A3GALT2: variants seen among roughly 807,000 people sequenced by gnomAD.
A3GALT2 encodes the protein alpha 1,3-galactosyltransferase 2.
A neutral mutation model predicts 16.6 loss-of-function variants in A3GALT2; 14 were observed. That is an observed-to-expected ratio of 0.84 (90% CI 0.56 to 1.32). The LOEUF is 1.32. A3GALT2 is among the 40% of genes most tolerant of loss of function. The pLI is 0.00. For missense variants in A3GALT2, 600 were observed against 490.9 expected, an observed-to-expected ratio of 1.22 and a Z score of -2.10; for synonymous variants, 253 against 218.0, an observed-to-expected ratio of 1.16 and a Z score of -1.42.
rs372278643 is a variant in A3GALT2 at position 33,307,201 on chromosome 1, G to A, written c.588C>T (p.Phe196=). The stretch of plus-strand genomic sequence containing the variant: ...TGAAGTGCTGGTCCACGTCCATGCA[G>A]AACATGAAGTGCGCCTCGCGGCCCG... ...GLPGREAHFM[F]CMDVDQHFSG... Residue 196 remains phenylalanine (F), a synonymous_variant, in exon 5 of 5, where the codon TTC becomes TTT. Transcript: ENST00000442999. The A allele has an allele frequency of 1.9e-4, 282 of 1,524,246 alleles. 2 individuals are homozygous for A. In the South Asian group the frequency reaches 3.3e-3, roughly 18 times the overall value. 94.4% of individuals were successfully genotyped at this position (1,524,246 alleles called of 1,614,324 possible).
intron 1 of A3GALT2, among the ~76,000 whole-genome samples, chr1:33,318,596 CTCCGAGTCTCCA>C (rs554451572): frequency 3.3e-4 from 51 of 152,264 alleles, no homozygotes; most frequent in African/African-American, 1.2e-3. Context: ...CTGACCCTGC[CTCCGAGTCTCCA>C]TCTTTTACCC....
At chr1:33,310,924 C>T (rs190447056) in intron 4 of A3GALT2, among the ~76,000 whole-genome samples, 44 of 152,332 alleles carry the variant, frequency 2.9e-4, no homozygotes, top group African/African-American at 6.7e-4. Context: ...GCCTGGTCCA[C>T]GGGGCAGCCC....
chr1:33,307,164 CA>C lies in A3GALT2; in HGVS notation c.624del (p.Phe208LeufsTer61). 1.3e-6 allele frequency: 2 copies of C among 1,553,874 alleles called. No individual in the cohort carries two copies. The highest frequency in any genetic ancestry group is 1.2e-5 in the South Asian group (1 of 83,518). ...MDVDQHFSGT[F>X]GPEALAESVA... is the part of the protein sequence containing the mutation. ...ACCGACTCGGCCAGCGCCTCGGGCC[CA>C]AAAGTGCCGCTGAAGTGCTGGTCCA... On this transcript the variant is annotated frameshift_variant, in exon 5 of 5. Transcript: ENST00000442999. LOFTEE classifies it low-confidence loss of function (END_TRUNC).
intron 1 of A3GALT2, among the ~76,000 whole-genome samples, chr1:33,316,237 T>C (rs1238654459): frequency 3.3e-5 from 5 of 151,914 alleles, no homozygotes; most frequent in African/African-American, 1.2e-4. Context: ...TCCTGGAATG[T>C]CTGTGGAACT....
At chr1:33,315,055 C>T (rs926034792) in intron 1 of A3GALT2, among the ~76,000 whole-genome samples, 5 of 151,648 alleles carry the variant, frequency 3.3e-5, no homozygotes, top group African/African-American at 4.8e-5. Context: ...GAGATCAGCC[C>T]GGGCAACGGA....
At chr1:33,319,126 G>A (rs1332529565) in intron 1 of A3GALT2, among the ~76,000 whole-genome samples, 7 of 152,208 alleles carry the variant, frequency 4.6e-5, no homozygotes, top group African/African-American at 1.4e-4. Context: ...CTTTATAAAT[G>A]AGGAAACTGA....
chr1:33,312,496 CT>C lies in A3GALT2; in HGVS notation c.197+4del. 1 of 1,582,526 alleles carries C rather than the reference CT, an allele frequency of 6.3e-7. No homozygotes were observed. The highest frequency in any genetic ancestry group is 1.4e-5 in the African/African-American group (1 of 74,006). On this transcript the variant is annotated splice_donor_region_variant and intron_variant, in intron 3 of 4. Transcript: ENST00000442999. ...CTTGGAGTAGGAGGGATGGGAGCTT[CT>C]TACCAGGGACGCAGGGCACCTGTGA...
intron 4 of A3GALT2, among the ~76,000 whole-genome samples, chr1:33,308,937 C>G (rs1646218411): frequency 6.6e-6 from 1 of 151,746 alleles, no homozygotes; most frequent in African/African-American, 2.4e-5. Flanking sequence ...GTTTGTGTCC[C>G]TGGGTACTTG....
In A3GALT2 at chr1:33,320,764, G is replaced by A. The variant is rs1646282020; in HGVS notation, c.23+312C>T. Among the ~76,000 whole-genome samples the A allele has an allele frequency of 6.6e-6, 1 of 151,940 alleles. No homozygotes were observed. The highest frequency in any genetic ancestry group is 2.1e-4 in the South Asian group (1 of 4,830). On this transcript the variant is annotated intron_variant, in intron 1 of 4. Coordinates refer to ENST00000442999, the MANE Select transcript of A3GALT2 (RefSeq NM_001080438.1). This position sits in a 1 kb window ranked among gnomAD's most constrained non-coding sequence, Gnocchi z 4.3. The stretch of plus-strand genomic sequence containing the variant: ...CAGTCGGGGAGGGAATGTACCCCCG[G>A]GTCTCTGCTTTCCGGCTCGCCAAGG...
chr1:33,317,858 T>C (rs997887021), intron 1 of A3GALT2, among the ~76,000 whole-genome samples: 1 of 152,224 alleles, frequency 6.6e-6, no homozygotes, highest in Non-Finnish European at 1.5e-5. Flanking sequence ...TTCAAAATGC[T>C]CCAGTGGGAG....
At chr1:33,308,435 C>T (rs1032001414) in intron 4 of A3GALT2, among the ~76,000 whole-genome samples, 4 of 152,036 alleles carry the variant, frequency 2.6e-5, no homozygotes, top group Admixed American at 6.6e-5. Context: ...GATAGCGTTT[C>T]GCTCCTGTGG....
intron 4 of A3GALT2, among the ~76,000 whole-genome samples, chr1:33,309,879 G>A (rs1053557522): frequency 6.6e-6 from 1 of 152,068 alleles, no homozygotes; most frequent in African/African-American, 2.4e-5. Flanking sequence ...AGGCAGAGAC[G>A]CTCCTCACTT....
intron 2 of A3GALT2, 103 bp from the exon 3 acceptor site, chr1:33,312,693 G>A (rs1646240539): frequency 2.1e-6 from 3 of 1,437,384 alleles, no homozygotes; most frequent in Non-Finnish European, 2.9e-6. Flanking sequence ...GAGCTCACAA[G>A]GACACTTGAG....
intron 1 of A3GALT2, among the ~76,000 whole-genome samples, chr1:33,316,792 G>C (rs1646264226): frequency 6.6e-6 from 1 of 152,198 alleles, no homozygotes; most frequent in African/African-American, 2.4e-5. Context: ...GAAAGTTCTG[G>C]GATTTGCCAG....
chr1:33,319,696 G>A (rs560810961), intron 1 of A3GALT2, among the ~76,000 whole-genome samples: 95 of 152,200 alleles, frequency 6.2e-4, no homozygotes, highest in African/African-American at 2.1e-3. Flanking sequence ...GGCTCCCCAC[G>A]GCTCACTCCC....
At position 33,307,317 on chromosome 1, in the gene A3GALT2, G is replaced by T; in HGVS notation, c.472C>A (p.Leu158Met). Residue 158 changes from leucine (L) to methionine (M), a missense_variant, in exon 5 of 5, where the codon CTG becomes ATG. Coordinates refer to ENST00000442999, the MANE Select transcript of A3GALT2 (RefSeq NM_001080438.1). The part of the protein sequence containing the change: ...PRVALGPGRR[L>M]PVERVARERR... ...TCGCGCGCCACGCGCTCCACGGGCA[G>T]CCGGCGTCCCGGGCCCAGCGCCACG... is the stretch of plus-strand genomic sequence containing the variant. 4 of 1,503,212 alleles carry T rather than the reference G, an allele frequency of 2.7e-6. No homozygotes were observed. Among genetic ancestry groups the T allele is most frequent in the Non-Finnish European group, 2.6e-6 (3 of 1,136,310 alleles). The allele number at this position is 1,503,212 out of a possible 1,614,324, so 93.1% of individuals were successfully genotyped here.
Position 33,312,857 on chromosome 1 carries a change from T to C in A3GALT2, c.57A>G (p.Leu19=). 1.2e-6 allele frequency: 2 copies of C among 1,607,032 alleles called. No individual in the cohort carries two copies. Among genetic ancestry groups the C allele is most frequent in the Non-Finnish European group, 1.7e-6 (2 of 1,176,936 alleles). The change falls in exon 2 of 5, where the codon CTA becomes CTG. Residue 19 remains leucine, a synonymous_variant. Coordinates refer to ENST00000442999, the MANE Select transcript of A3GALT2 (RefSeq NM_001080438.1). ...AWKRIFWRQI[L]LTLGLLGLFL... ...ACAGGCCTAAGAGGCCAAGTGTAAG[T>C]AGGATCTGCCGCCAGAAGATTCTCT...
At chr1:33,318,962 C>T (rs936963295) in intron 1 of A3GALT2, among the ~76,000 whole-genome samples, 5 of 152,198 alleles carry the variant, frequency 3.3e-5, no homozygotes, top group African/African-American at 9.7e-5. Flanking sequence ...GACTGGTACT[C>T]CTTTGCTTAA....
intron 4 of A3GALT2, among the ~76,000 whole-genome samples, chr1:33,308,202 C>A (rs1388334892): frequency 6.7e-6 from 1 of 148,886 alleles, no homozygotes; most frequent in Non-Finnish European, 1.5e-5. Flanking sequence ...TCATACTGGC[C>A]CTTTGGACGA....
Sources: gnomAD v4.1 joint callset for allele counts (sites outside exome capture counted in the v4.1 genomes callset) on GRCh38, gnomAD v4.1.1 for gene constraint, Gnocchi (gnomAD v3.1) non-coding constraint, MANE v1.5 for transcripts, NCBI Gene and HGNC (gene_info 2026-07-23, HGNC 2026-07-21) for gene names.